CELF2: variants seen among roughly 807,000 people sequenced by gnomAD.
CELF2 encodes CUG triplet repeat RNA-binding protein 2.
CELF2 carries 8 observed loss-of-function variants against 62.6 expected under a neutral mutation model. The observed-to-expected ratio is 0.13, with a 90% CI of 0.07 to 0.23. The LOEUF (loss-of-function observed/expected upper bound fraction) is 0.23, where lower values mean the gene tolerates loss of function less well. Ranked by LOEUF, CELF2 falls within the 10% of genes least tolerant of loss-of-function variation. CELF2 has a pLI of 1.00. For missense variants in CELF2, 333 were observed against 671.0 expected (o/e 0.50, Z 5.56); for synonymous variants, 258 against 250.0 (o/e 1.03, Z -0.30).
rs1024238861 is a variant in CELF2 at position 11,297,891 on chromosome 10, A to T, written c.976+9339A>T. 6.6e-6 allele frequency among the ~76,000 whole-genome samples: 1 copy of T among 152,204 alleles called. No individual in the cohort carries two copies. Among genetic ancestry groups the T allele is most frequent in the African/African-American group, 2.4e-5 (1 of 41,448 alleles). ...CAGCTACTCGGGAGGCTGAGGCAGGAAAATGACTTGAACCCAGGAGGCAGA... is the reference window on the plus strand; with the variant it reads ...CAGCTACTCGGGAGGCTGAGGCAGGTAAATGACTTGAACCCAGGAGGCAGA... On this transcript the variant is annotated intron_variant, in intron 9 of 12. Transcript: ENST00000633077. This position sits in a 1 kb window ranked among gnomAD's most constrained non-coding sequence, Gnocchi z 4.4.
the CELF2 span, among the ~76,000 whole-genome samples, chr10:10,712,147 C>CAAAAAAAAA: frequency 3.4e-3 from 149 of 43,404 alleles, 17 homozygotes; most frequent in African/African-American, 9.4e-3. Context: ...AGGATAGAGA[C>CAAAAAAAAA]AAAAAAAAAA....
At chr10:10,601,776 A>G in the CELF2 span, among the ~76,000 whole-genome samples, 9 of 149,838 alleles carry the variant, frequency 6.0e-5, no homozygotes, top group African/African-American at 1.5e-4. Context: ...CAGGATGTGC[A>G]GGTTTGTTAC....
chr10:11,091,629 T>G (rs2048346401), intron 1 of CELF2, among the ~76,000 whole-genome samples: 1 of 152,218 alleles, frequency 6.6e-6, no homozygotes, highest in Non-Finnish European at 1.5e-5. Flanking sequence ...CAAGGAAAGG[T>G]TACATCGAAG....
intron 2 of CELF2, among the ~76,000 whole-genome samples, chr10:11,192,131 C>G (rs1565199120): frequency 6.6e-6 from 1 of 152,214 alleles, no homozygotes; most frequent in Non-Finnish European, 1.5e-5. Flanking sequence ...AGGCTGGGAT[C>G]TTGTGAGATT....
At chr10:10,587,687 T>A in the CELF2 span, among the ~76,000 whole-genome samples, 2 of 152,164 alleles carry the variant, frequency 1.3e-5, no homozygotes, top group Non-Finnish European at 2.9e-5. Context: ...GAGCAGGAAA[T>A]ACCAAAACTA....
At chr10:11,004,347 T>C (rs1419515208), upstream of CELF2, among the ~76,000 whole-genome samples, 2 of 152,118 alleles carry the variant, frequency 1.3e-5, no homozygotes, top group African/African-American at 4.8e-5. The surrounding 1 kb of genome is among the most constrained non-coding windows in gnomAD (Gnocchi z 5.0). Flanking sequence ...CCTGGAATAG[T>C]GCCTTAGCTT....
At chr10:10,672,446 T>C in the CELF2 span, among the ~76,000 whole-genome samples, 4 of 152,096 alleles carry the variant, frequency 2.6e-5, no homozygotes, top group Non-Finnish European at 5.9e-5. Flanking sequence ...GTGATCCATT[T>C]TGAGTTTTTT....
At chr10:10,605,245 G>C in the CELF2 span, among the ~76,000 whole-genome samples, 1 of 152,004 alleles carries the variant, frequency 6.6e-6, no homozygotes, top group African/African-American at 2.4e-5. Flanking sequence ...CACAGGGAGG[G>C]GAACAACACA....
chr10:10,849,397 A>G lies in CELF2; in HGVS notation c.53+50580A>G, dbSNP rs537976474. On this transcript the variant is annotated intron_variant, in intron 1 of 13. Transcript: ENST00000636488. ...ACTCCAGACTGGGTGACAGAGCAAG[A>G]CTCCATCTCCAAAAACAAAAAAGAA... Among the ~76,000 whole-genome samples the G allele has an allele frequency of 7.9e-5, 12 of 152,090 alleles. No individual in the cohort carries two copies. In the South Asian group the frequency reaches 1.2e-3, roughly 16 times the overall value.
chr10:10,556,424 G>T, the CELF2 span, among the ~76,000 whole-genome samples: 1 of 152,134 alleles, frequency 6.6e-6, no homozygotes, highest in South Asian at 2.1e-4. Context: ...TCTTAATCCA[G>T]TCTATCATTC....
At chr10:10,667,341 A>C in the CELF2 span, among the ~76,000 whole-genome samples, 1 of 152,208 alleles carries the variant, frequency 6.6e-6, no homozygotes, top group Non-Finnish European at 1.5e-5. Flanking sequence ...GTTTTGGAAG[A>C]AATAATTTAT....
intron 3 of CELF2, among the ~76,000 whole-genome samples, chr10:11,245,123 T>G (rs2075222767): frequency 6.6e-6 from 1 of 152,228 alleles, no homozygotes; most frequent in Non-Finnish European, 1.5e-5. Flanking sequence ...GGTCAAATCA[T>G]TGAAACCATT....
At chr10:10,764,049 G>A in the CELF2 span, among the ~76,000 whole-genome samples, 1 of 152,210 alleles carries the variant, frequency 6.6e-6, no homozygotes, top group African/African-American at 2.4e-5. Context: ...CGCTTTTGGT[G>A]TTCATTCAGC....
chr10:11,317,432 T>C (rs763410360), intron 10 of CELF2: 2 of 152,246 alleles, frequency 1.3e-5, no homozygotes, highest in Non-Finnish European at 2.9e-5. Context: ...TCTACCTTAG[T>C]TCTAGATATT....
intron 1 of CELF2, among the ~76,000 whole-genome samples, chr10:10,821,059 G>A (rs942053100): frequency 3.3e-5 from 5 of 152,232 alleles, no homozygotes; most frequent in African/African-American, 1.2e-4. Context: ...AGGGATTGGA[G>A]TGACATTGGT....
At chr10:10,818,026 A>T (rs1200735790) in intron 1 of CELF2, among the ~76,000 whole-genome samples, 1 of 152,078 alleles carries the variant, frequency 6.6e-6, no homozygotes, top group Non-Finnish European at 1.5e-5. Context: ...TCACCCACCC[A>T]CTCATTAAAC....
intron 2 of CELF2, among the ~76,000 whole-genome samples, chr10:10,944,810 C>T (rs2047472340): frequency 6.6e-6 from 1 of 152,118 alleles, no homozygotes; most frequent in Admixed American, 6.5e-5. Context: ...GCCACATTGG[C>T]CAGGCTGGTC....
intron 4 of CELF2, among the ~76,000 whole-genome samples, chr10:11,254,951 C>T (rs918370383): frequency 5.9e-5 from 9 of 152,196 alleles, no homozygotes; most frequent in African/African-American, 1.7e-4. Context: ...TTCCCGTTCA[C>T]GGGAATGCCA....
the CELF2 span, among the ~76,000 whole-genome samples, chr10:10,489,682 G>A: frequency 1.3e-5 from 2 of 152,054 alleles, no homozygotes; most frequent in African/African-American, 4.8e-5. Flanking sequence ...ATATTCTGGA[G>A]CAATTTTATA....
Sources: allele counts gnomAD v4.1 joint callset (sites outside exome capture counted in the v4.1 genomes callset), GRCh38; gene constraint gnomAD v4.1.1; non-coding constraint Gnocchi (gnomAD v3.1); transcripts MANE v1.5; gene names NCBI Gene and HGNC (gene_info 2026-07-23, HGNC 2026-07-21).